Variants in GPATCH2L observed in about 807,000 individuals in gnomAD.
The protein encoded by GPATCH2L is G-patch domain containing 2 like.
A neutral mutation model predicts 57.4 loss-of-function variants in GPATCH2L; 31 were observed. That is an observed-to-expected ratio of 0.54 (90% CI 0.41 to 0.73). GPATCH2L has a LOEUF of 0.73. GPATCH2L is among the 30% of genes least tolerant of loss of function. GPATCH2L has a pLI of 0.00. For synonymous variants in GPATCH2L, 199 were observed against 210.7 expected (o/e 0.94, Z 0.48); for missense variants, 481 against 599.9 (o/e 0.80, Z 2.07).
intron 1 of GPATCH2L, among the ~76,000 whole-genome samples, chr14:76,220,639 T>C (rs1307725089): frequency 6.6e-6 from 1 of 152,174 alleles, no homozygotes; most frequent in Admixed American, 6.5e-5. Context: ...AGAAGAGGTA[T>C]TCTTTCCAAG....
intron 1 of GPATCH2L, among the ~76,000 whole-genome samples, chr14:76,226,727 A>T (rs771464068): frequency 1.3e-5 from 2 of 152,200 alleles, no homozygotes; most frequent in African/African-American, 2.4e-5. Context: ...GAAGGTTCTC[A>T]TCAGATTCTG....
chr14:76,183,640 G>A (rs879624321), intron 8 of GPATCH2L, among the ~76,000 whole-genome samples: 1 of 152,054 alleles, frequency 6.6e-6, no homozygotes, highest in East Asian at 1.9e-4. Context: ...AATGATCAGC[G>A]CAAGTGACTT....
intron 2 of GPATCH2L, among the ~76,000 whole-genome samples, chr14:76,164,948 A>G (rs756735287): frequency 1.3e-5 from 2 of 152,132 alleles, no homozygotes; most frequent in African/African-American, 4.8e-5. Context: ...GGTTAGATAG[A>G]GAGATGTGAA....
At chr14:76,231,460 G>A (rs540046869) in intron 2 of GPATCH2L, among the ~76,000 whole-genome samples, 3 of 152,170 alleles carry the variant, frequency 2.0e-5, no homozygotes, top group African/African-American at 7.2e-5. Flanking sequence ...TCCTTCTGCA[G>A]CTGCCTAGAT....
chr14:76,207,622 T>C lies in GPATCH2L; in HGVS notation c.*5771T>C, dbSNP rs2040394026. ...TTGGTAATCTCTTGCTAGGACTGAATCTCAGTACTTCAGAGCATGTAAAAA... is the reference window on the plus strand; with the variant it reads ...TTGGTAATCTCTTGCTAGGACTGAACCTCAGTACTTCAGAGCATGTAAAAA... On this transcript the variant is annotated 3_prime_UTR_variant, in exon 10 of 10. Transcript: ENST00000261530. 6.6e-6 allele frequency: 1 copy of C among 152,170 alleles called. No individual in the cohort carries two copies. The allele number at this position is 152,170 out of a possible 1,614,324, so 9.4% of individuals were successfully genotyped here.
At chr14:76,191,942 C>T (rs2039982013) in intron 8 of GPATCH2L, among the ~76,000 whole-genome samples, 1 of 151,956 alleles carries the variant, frequency 6.6e-6, no homozygotes, top group Non-Finnish European at 1.5e-5. Context: ...CCCTTCCTTC[C>T]CCTACCCCAG....
intron 3 of GPATCH2L, 50 bp from the exon 4 acceptor site, chr14:76,171,793 C>A: frequency 8.5e-7 from 1 of 1,176,638 alleles, no homozygotes; most frequent in Non-Finnish European, 1.2e-6. Context: ...ATTTGTTTTT[C>A]TCAGACCTTG....
chr14:76,224,229 T>C (rs1327975621), intron 1 of GPATCH2L, among the ~76,000 whole-genome samples: 1 of 152,098 alleles, frequency 6.6e-6, no homozygotes, highest in Non-Finnish European at 1.5e-5. Context: ...TAGCTGCCAA[T>C]GGGAAAAGGG....
chr14:76,154,319 T>G lies in GPATCH2L; in HGVS notation c.-10-35T>G. 2 of 1,493,932 alleles carry G rather than the reference T, an allele frequency of 1.3e-6. No homozygotes were observed. The highest frequency in any genetic ancestry group is 1.8e-6 in the Non-Finnish European group (2 of 1,106,632). 92.5% of individuals were successfully genotyped at this position (1,493,932 alleles called of 1,614,324 possible). On this transcript the variant is annotated intron_variant, in intron 1 of 9. Coordinates refer to ENST00000261530, the MANE Select transcript of GPATCH2L (RefSeq NM_017926.4). This position sits in a 1 kb window ranked among gnomAD's most constrained non-coding sequence, Gnocchi z 4.4. ...AGGCTTTCTTTTTCTTTTTCTTTTC[T>G]TTCTTTCTTTTTTTCCTAAACTTCC...
intron 3 of GPATCH2L, among the ~76,000 whole-genome samples, 191 bp downstream of exon 3, chr14:76,166,918 G>A (rs999957837): frequency 5.3e-5 from 8 of 152,098 alleles, no homozygotes; most frequent in African/African-American, 1.9e-4. Context: ...AATAGGTCTA[G>A]AGTTGGCCCC....
At chr14:76,182,604 A>AG (rs1233456106) in intron 8 of GPATCH2L, among the ~76,000 whole-genome samples, 1 of 150,478 alleles carries the variant, frequency 6.6e-6, no homozygotes, top group African/African-American at 2.5e-5. Context: ...AAAAAAAAAA[A>AG]AAGAAAAGAA....
rs546503074 is a variant in GPATCH2L, at chr14:76,168,081, G to T, written c.727+1354G>T. On this transcript the variant is annotated intron_variant, in intron 3 of 9. Transcript: ENST00000261530. ...AGCTTTCCTCTCTTTCTCTGCTTCA[G>T]CTTCACACATTCTGGTGACATTGAT... 1.2e-4 allele frequency among the ~76,000 whole-genome samples: 18 copies of T among 152,168 alleles called. 1 individual carries two copies. The highest frequency in any genetic ancestry group is 2.5e-4 in the Non-Finnish European group (17 of 68,040).
chr14:76,219,176 T>G (rs2040502811), downstream of GPATCH2L, among the ~76,000 whole-genome samples: 1 of 152,074 alleles, frequency 6.6e-6, no homozygotes, highest in African/African-American at 2.4e-5. Context: ...AAATGAGAAC[T>G]TGGGCAAGAA....
chr14:76,235,168 C>CAAA (rs34157061), intron 2 of GPATCH2L, among the ~76,000 whole-genome samples: 11 of 98,776 alleles, frequency 1.1e-4, no homozygotes, highest in African/African-American at 1.8e-4. Flanking sequence ...AACTCTGTCT[C>CAAA]AAAAAAAAAA....
intron 1 of GPATCH2L, chr14:76,152,517 C>G: frequency 2.6e-6 from 1 of 378,420 alleles, no homozygotes; most frequent in African/African-American, 2.1e-5. Context: ...TGTCTCTCTT[C>G]TTACTTGCTG....
chr14:76,182,743 T>C (rs895783393), intron 8 of GPATCH2L, among the ~76,000 whole-genome samples: 1 of 152,164 alleles, frequency 6.6e-6, no homozygotes, highest in African/African-American at 2.4e-5. Flanking sequence ...TTTGTTTAGA[T>C]ACTGCCCTCA....
At chr14:76,231,985 C>CCTCACTGCAGG (rs2040568504) in intron 2 of GPATCH2L, among the ~76,000 whole-genome samples, 83 of 132,970 alleles carry the variant, frequency 6.2e-4, no homozygotes, top group Non-Finnish European at 6.9e-4. Context: ...CTCACTGCAG[C>CCTCACTGCAGG]CTCACTGCAG....
At chr14:76,160,033 C>G (rs1313359001) in intron 2 of GPATCH2L, among the ~76,000 whole-genome samples, 2 of 152,070 alleles carry the variant, frequency 1.3e-5, no homozygotes, top group Non-Finnish European at 2.9e-5. Flanking sequence ...ACTCAGGAGG[C>G]TGAGGCGGGA....
At position 76,201,822 on chromosome 14, in the gene GPATCH2L, C is replaced by T. The variant is rs1566817534; in HGVS notation, c.1420C>T (p.Pro474Ser). Residue 474 changes from proline to serine, a missense_variant, in exon 10 of 10, where the codon CCA (proline) becomes TCA (serine). Physicochemically the swap from Pro to Ser is moderately conservative, Grantham distance 74. Coordinates refer to ENST00000261530, the MANE Select transcript of GPATCH2L (RefSeq NM_017926.4). ...AACTACTGCTACATTTTTTAAAATG[C>T]CACAAGAAAAGAGCCCTGGATACAG... Reference protein sequence around the residue: ...DATTATFFKMPQEKSPGYS With the variant: ...DATTATFFKMSQEKSPGYS 2 of 1,614,000 alleles carry T rather than the reference C, an allele frequency of 1.2e-6. No homozygotes were observed. Among genetic ancestry groups the T allele is most frequent in the Non-Finnish European group, 8.5e-7 (1 of 1,179,928 alleles).
Sources: gnomAD v4.1 joint callset for allele counts (sites outside exome capture counted in the v4.1 genomes callset) on GRCh38, gnomAD v4.1.1 for gene constraint, Gnocchi (gnomAD v3.1) non-coding constraint, MANE v1.5 for transcripts, NCBI Gene and HGNC (gene_info 2026-07-23, HGNC 2026-07-21) for gene names.